The following VPS53 variants were observed in gnomAD, a reference collection of about 807,000 sequenced individuals.
VPS53 encodes the protein vacuolar protein sorting-associated protein 53 homolog.
VPS53 carries 70 observed loss-of-function variants against 107.0 expected under a neutral mutation model. That is an observed-to-expected ratio of 0.65 (90% CI 0.54 to 0.80). The LOEUF is 0.80. VPS53 is among the 30% of genes least tolerant of loss of function. The pLI, the probability that VPS53 is intolerant of heterozygous loss-of-function variation, is 0.00. For synonymous variants in VPS53, 409 were observed against 393.3 expected (o/e 1.04, Z -0.47); for missense variants, 917 against 1,049.4 (o/e 0.87, Z 1.74).
Position 516,888 on chromosome 17 carries a change from C to A in VPS53, c.*2240G>T, listed in dbSNP as rs1196472166. The A allele has an allele frequency of 6.6e-6, 1 of 152,330 alleles. No individual in the cohort carries two copies. The highest frequency in any genetic ancestry group is 2.4e-5 in the African/African-American group (1 of 41,476). 9.4% of individuals were successfully genotyped at this position (152,330 alleles called of 1,614,324 possible). A position where few individuals can be genotyped will look rare whatever the true frequency, so the allele number is the denominator to read the frequency against. On this transcript the variant is annotated 3_prime_UTR_variant, in exon 22 of 22. Transcript: ENST00000437048. ...AAAACAGCAGCTTGATAGCTCAATG[C>A]TGTGATGGAGCCGTCCGGAAAACGA...
Position 517,686 on chromosome 17 carries a change from A to AT in VPS53, c.*1441dup, listed in dbSNP as rs931849083. On this transcript the variant is annotated 3_prime_UTR_variant, in exon 22 of 22. Transcript: ENST00000437048. ...AGGCACTCGCCATGACACCCGGCTAATTTTTTTTATTTTTAGTTGAGACAG... is the reference window on the plus strand; with the variant it reads ...AGGCACTCGCCATGACACCCGGCTAATTTTTTTTTATTTTTAGTTGAGACAG... 4.8e-5 allele frequency: 16 copies of AT among 333,800 alleles called. No individual in the cohort carries two copies. Among genetic ancestry groups the AT allele is most frequent in the East Asian group, 1.3e-4 (3 of 22,382 alleles). The allele number at this position is 333,800 out of a possible 1,614,324, so 20.7% of individuals were successfully genotyped here. A position where few individuals can be genotyped will look rare whatever the true frequency, so the allele number is the denominator to read the frequency against.
Position 562,539 on chromosome 17 carries a change from T to G in VPS53, c.1520A>C (p.Glu507Ala), listed in dbSNP as rs775518752. ...LTTIFQKYLR[E>A]YAWKILSGNL... is the part of the protein sequence containing the mutation. ...GCCAGAGAGGATTTTCCAGGCGTAT[T>G]CTCGGAGGTACTTCTGGAAAATGGT... Residue 507 changes from glutamate to alanine, a missense_variant, in exon 14 of 22, where the codon GAA (glutamate) becomes GCA (alanine). Coordinates refer to ENST00000437048, the MANE Select transcript of VPS53 (RefSeq NM_001128159.3). 72 of 1,613,926 alleles carry G rather than the reference T, an allele frequency of 4.5e-5. No individual in the cohort carries two copies. The highest frequency in any genetic ancestry group is 5.3e-5 in the Non-Finnish European group (62 of 1,180,018).
intron 8 of VPS53, among the ~76,000 whole-genome samples, chr17:630,330 A>G (rs776533848): frequency 4.6e-5 from 7 of 151,900 alleles, no homozygotes; most frequent in Non-Finnish European, 5.9e-5. Context: ...AAAACCTGAA[A>G]CGGGCAGCTG....
At chr17:585,642 A>C (rs966593633) in intron 13 of VPS53, among the ~76,000 whole-genome samples, 5 of 152,176 alleles carry the variant, frequency 3.3e-5, no homozygotes, top group Admixed American at 3.3e-4. Context: ...ACTCTGTCTC[A>C]AAAAAGGAGG....
At chr17:596,618 G>A (rs1163319230) in intron 12 of VPS53, among the ~76,000 whole-genome samples, 1 of 152,222 alleles carries the variant, frequency 6.6e-6, no homozygotes, top group Non-Finnish European at 1.5e-5. Context: ...AATAATGGGA[G>A]AGACTGCCTG....
chr17:601,925 G>T (rs1389199718), intron 11 of VPS53, 29 bp from the exon 12 acceptor site: 3 of 1,478,946 alleles, frequency 2.0e-6, no homozygotes, highest in Non-Finnish European at 2.8e-6. Flanking sequence ...AAAGAGAAGT[G>T]TTTTCTGAGC....
intron 11 of VPS53, among the ~76,000 whole-genome samples, chr17:602,165 G>A (rs571996243): frequency 6.6e-6 from 1 of 152,318 alleles, no homozygotes; most frequent in African/African-American, 2.4e-5. Context: ...CCGTTCTGCT[G>A]GGAAGCCTTT....
chr17:635,402 T>C (rs1331306335), intron 7 of VPS53, among the ~76,000 whole-genome samples: 1 of 152,242 alleles, frequency 6.6e-6, no homozygotes, highest in Non-Finnish European at 1.5e-5. Context: ...TTAGTTTAAT[T>C]AGATCCCATT....
At chr17:662,869 G>GGAAGGAAGGAAGGAAGGAAC (rs1567720212) in intron 4 of VPS53, among the ~76,000 whole-genome samples, 2 of 102,788 alleles carry the variant, frequency 1.9e-5, no homozygotes, top group African/African-American at 5.9e-5. Context: ...AAGGAAGGAA[G>GGAAGGAAGGAAGGAAGGAAC]GAACGAAGGA....
At chr17:709,380 T>C (rs1436912958) in intron 2 of VPS53, among the ~76,000 whole-genome samples, 1 of 152,210 alleles carries the variant, frequency 6.6e-6, no homozygotes, top group Non-Finnish European at 1.5e-5. Context: ...TTTCTAAAAA[T>C]AATACCTGAC....
chr17:623,091 A>C (rs1040925984), intron 11 of VPS53, among the ~76,000 whole-genome samples: 1 of 152,150 alleles, frequency 6.6e-6, no homozygotes, highest in African/African-American at 2.4e-5. Flanking sequence ...CAATGGAGGC[A>C]CGTAGTCCCC....
Position 537,021 on chromosome 17 carries a change from GACTT to G in VPS53, c.2015+3_2015+6del. 6.2e-7 allele frequency: 1 copy of G among 1,614,136 alleles called. No homozygotes were observed. Among genetic ancestry groups the G allele is most frequent in the Non-Finnish European group, 8.5e-7 (1 of 1,180,030 alleles). ...GAACCCAGAGATGAGCACGCCCCAG[GACTT>G]ACTTTGCAAATTTAACGCAGAACTG... is the stretch of plus-strand genomic sequence containing the variant. On this transcript the variant is annotated splice_donor_5th_base_variant and intron_variant, in intron 18 of 21. Transcript: ENST00000437048.
intron 4 of VPS53, among the ~76,000 whole-genome samples, chr17:672,014 G>C (rs1159996218): frequency 1.3e-5 from 2 of 151,868 alleles, no homozygotes; most frequent in Non-Finnish European, 2.9e-5. Flanking sequence ...TCTTTCGCGG[G>C]TGGTAGGAGT....
In VPS53 at chr17:518,997, A is replaced by T; in HGVS notation, c.*131T>A. The stretch of plus-strand genomic sequence containing the variant: ...GACAGGGCATGGGAGAGACTCAGTA[A>T]CAACCCACATGTCCCAGGAAGTTTG... On this transcript the variant is annotated 3_prime_UTR_variant, in exon 22 of 22. Coordinates refer to ENST00000437048, the MANE Select transcript of VPS53 (RefSeq NM_001128159.3). 9.7e-7 allele frequency: 1 copy of T among 1,027,756 alleles called. No individual in the cohort carries two copies. The highest frequency in any genetic ancestry group is 1.4e-6 in the Non-Finnish European group (1 of 730,862). 63.7% of individuals were successfully genotyped at this position (1,027,756 alleles called of 1,614,324 possible).
rs1291286008 is a variant in VPS53, at chr17:520,308, C to A, written c.2224-378G>T. On this transcript the variant is annotated intron_variant, in intron 20 of 21. Coordinates refer to ENST00000437048, the MANE Select transcript of VPS53 (RefSeq NM_001128159.3). The surrounding 1 kb of genome is among the most constrained non-coding windows in gnomAD (Gnocchi z 4.4). ...CAGGTGACTTTTAAACTATCAGGAC[C>A]ATCCGGGAAACCCTGCGTGAGAGGG... is the stretch of plus-strand genomic sequence containing the variant. 1.3e-5 allele frequency among the ~76,000 whole-genome samples: 2 copies of A among 152,168 alleles called. No individual in the cohort carries two copies. The highest frequency in any genetic ancestry group is 2.9e-5 in the Non-Finnish European group (2 of 68,030).
chr17:561,093 T>C (rs1912923622), intron 14 of VPS53, among the ~76,000 whole-genome samples: 2 of 152,098 alleles, frequency 1.3e-5, no homozygotes, highest in African/African-American at 4.8e-5. Context: ...TGTGTGCTGG[T>C]GGAGGAGGAT....
chr17:710,385 C>T (rs2144023710), intron 2 of VPS53, 148 bp downstream of exon 2: 1 of 637,278 alleles, frequency 1.6e-6, no homozygotes, highest in Non-Finnish European at 2.8e-6. Context: ...TAGCTCACTG[C>T]CCCAGCTGGT....
rs140113256 is a variant in VPS53, at chr17:662,024, AT to A, written c.286-130del. On this transcript the variant is annotated intron_variant, in intron 4 of 21. Coordinates refer to ENST00000437048, the MANE Select transcript of VPS53 (RefSeq NM_001128159.3). The stretch of plus-strand genomic sequence containing the variant: ...CTGATTCATTGTACTTATGCCAACA[AT>A]TTTTCTGGACCAAAATAGTAGAGAC... The A allele has an allele frequency of 0.063, 52,424 of 829,456 alleles. 2,905 individuals are homozygous for A. Among genetic ancestry groups the A allele is most frequent in the East Asian group, 0.25 (9,314 of 37,104 alleles). 51.4% of individuals were successfully genotyped at this position (829,456 alleles called of 1,614,324 possible).
rs749286442 is a variant in VPS53 at position 560,571 on chromosome 17, G to A, written c.1559C>T (p.Thr520Ile). The change falls in exon 15 of 22, where the codon ACC becomes ATC. Residue 520 changes from threonine (T) to isoleucine (I), a missense_variant and splice_region_variant. Physicochemically the swap from Thr to Ile is moderately conservative, Grantham distance 89. Transcript: ENST00000437048. The part of the protein sequence containing the change: ...WKILSGNLPK[T>I]TTSSGGLTIS... ...AGTCAGTCCTCCACTGCTGGTTGTGGTTCTGAAGAAAAGGAACAGGAACAA... is the reference window on the plus strand; with the variant it reads ...AGTCAGTCCTCCACTGCTGGTTGTGATTCTGAAGAAAAGGAACAGGAACAA... 37 of 1,613,100 alleles carry A rather than the reference G, an allele frequency of 2.3e-5. No individual in the cohort carries two copies. The highest frequency in any genetic ancestry group is 1.7e-6 in the Non-Finnish European group (2 of 1,179,612).
Sources: gnomAD v4.1 joint callset for allele counts (sites outside exome capture counted in the v4.1 genomes callset) on GRCh38, gnomAD v4.1.1 for gene constraint, Gnocchi (gnomAD v3.1) non-coding constraint, MANE v1.5 for transcripts, NCBI Gene and HGNC (gene_info 2026-07-23, HGNC 2026-07-21) for gene names.